Variants in PCDH11X observed in about 807,000 individuals in gnomAD.
PCDH11X encodes the protein protocadherin-11 X-linked.
PCDH11X carries 18 observed loss-of-function variants against 53.3 expected under a neutral mutation model. The observed-to-expected ratio is 0.34, with a 90% confidence interval of 0.23 to 0.50. The LOEUF is 0.50. Among genes scored for constraint, PCDH11X ranks in the 20% least tolerant of loss-of-function variants. The probability of loss-of-function intolerance (pLI) is 0.98; values close to 1 mark genes in which losing one functional copy is unlikely to be tolerated. For missense variants in PCDH11X, 570 were observed against 1,032.4 expected (o/e 0.55, Z 6.14); for synonymous variants, 279 against 393.3 (o/e 0.71, Z 3.44).
intron 8 of PCDH11X, among the ~76,000 whole-genome samples, chrX:92,283,560 T>A (rs2068294841): frequency 8.9e-6 from 1 of 111,876 alleles, no homozygotes; most frequent in African/African-American, 3.2e-5. Flanking sequence ...CAACAATGTT[T>A]AGGTTTCTAA....
At chrX:92,198,802 A>G (rs2066341502) in intron 6 of PCDH11X, among the ~76,000 whole-genome samples, 1 of 111,522 alleles carries the variant, frequency 9.0e-6, no homozygotes, top group Admixed American at 9.7e-5. Flanking sequence ...ATTTTGAGAA[A>G]TAATTCTCAC....
At chrX:91,955,904 T>C (rs1188522621) in intron 6 of PCDH11X, among the ~76,000 whole-genome samples, 3 of 109,940 alleles carry the variant, frequency 2.7e-5, no homozygotes, top group Non-Finnish European at 3.8e-5. Context: ...AAGTTTCTTT[T>C]TACATCTCTA....
intron 9 of PCDH11X, among the ~76,000 whole-genome samples, chrX:92,452,492 TA>T (rs2072814495): frequency 5.9e-5 from 3 of 50,583 alleles, no homozygotes; most frequent in African/African-American, 4.5e-4. Flanking sequence ...TATATATATA[TA>T]TATATGTTTT....
chrX:91,798,280 C>T (rs1935809423), intron 1 of PCDH11X: 1 of 110,779 alleles, frequency 9.0e-6, no homozygotes, highest in East Asian at 2.8e-4. Flanking sequence ...ACGGTGTTCC[C>T]CTCGGGGGTT....
At chrX:92,457,576 C>T (rs1417958608) in intron 9 of PCDH11X, among the ~76,000 whole-genome samples, 3 of 109,179 alleles carry the variant, frequency 2.7e-5, no homozygotes, top group Non-Finnish European at 5.7e-5. Flanking sequence ...ACCATACTTT[C>T]GTTTCAATTA....
At chrX:92,328,874 A>T (rs2069397018) in intron 8 of PCDH11X, among the ~76,000 whole-genome samples, 1 of 110,341 alleles carries the variant, frequency 9.1e-6, no homozygotes, top group Admixed American at 9.7e-5. Flanking sequence ...AATAACACCA[A>T]TTCTATACAA....
chrX:91,868,693 A>T (rs1939118495), intron 5 of PCDH11X, among the ~76,000 whole-genome samples: 2 of 111,875 alleles, frequency 1.8e-5, no homozygotes, highest in Non-Finnish European at 3.8e-5. Flanking sequence ...TTTTCCTGAT[A>T]TTAATAAGCA....
At chrX:92,559,470 C>A (rs868656072) in intron 10 of PCDH11X, among the ~76,000 whole-genome samples, 5 of 107,930 alleles carry the variant, frequency 4.6e-5, no homozygotes, top group African/African-American at 1.7e-4. Flanking sequence ...CACACACACA[C>A]CACTGTCATA....
intron 6 of PCDH11X, among the ~76,000 whole-genome samples, chrX:92,101,057 G>C (rs1029262741): frequency 9.0e-6 from 1 of 111,706 alleles, no homozygotes; most frequent in African/African-American, 3.3e-5. Context: ...AGGAGATTCA[G>C]CATAGTCCTG....
intron 10 of PCDH11X, among the ~76,000 whole-genome samples, chrX:92,527,697 G>A (rs985840163): frequency 1.8e-5 from 2 of 111,268 alleles, no homozygotes; most frequent in Non-Finnish European, 3.8e-5. Flanking sequence ...AAAGAGCAAC[G>A]CATAAAATAT....
intron 1 of PCDH11X, among the ~76,000 whole-genome samples, chrX:91,800,987 T>C (rs1935914393): frequency 9.3e-6 from 1 of 107,902 alleles, no homozygotes; most frequent in South Asian, 4.2e-4. Flanking sequence ...CAGACCAGCC[T>C]GGGCAACATG....
At chrX:92,395,879 T>A (rs1232826840) in intron 9 of PCDH11X, among the ~76,000 whole-genome samples, 1 of 109,419 alleles carries the variant, frequency 9.1e-6, no homozygotes, top group African/African-American at 3.3e-5. Context: ...TTTAGCATTA[T>A]CATCACTCAA....
At chrX:91,977,682 A>G (rs1032757218) in intron 6 of PCDH11X, among the ~76,000 whole-genome samples, 37 of 111,082 alleles carry the variant, frequency 3.3e-4, no homozygotes, top group Non-Finnish European at 3.2e-4. Context: ...TCTCCATGCC[A>G]TAATTTACAA....
At chrX:92,333,965 G>A (rs757227357) in intron 8 of PCDH11X, among the ~76,000 whole-genome samples, 473 of 110,344 alleles carry the variant, frequency 4.3e-3, no homozygotes, top group African/African-American at 0.014. Flanking sequence ...AATAGCATTC[G>A]CTTTCAGACT....
intron 10 of PCDH11X, among the ~76,000 whole-genome samples, chrX:92,604,490 A>C (rs2148811149): frequency 9.0e-6 from 1 of 111,241 alleles, no homozygotes; most frequent in African/African-American, 3.3e-5. Flanking sequence ...TATCATAAAA[A>C]GCATTAAAAT....
intron 8 of PCDH11X, among the ~76,000 whole-genome samples, chrX:92,335,933 T>C (rs1481439114): frequency 9.0e-5 from 10 of 111,676 alleles, no homozygotes; most frequent in Non-Finnish European, 1.9e-4. Flanking sequence ...GTAATTGATC[T>C]ACTTTTATGC....
intron 8 of PCDH11X, among the ~76,000 whole-genome samples, chrX:92,347,059 A>G (rs1405954936): frequency 2.7e-5 from 3 of 111,543 alleles, no homozygotes; most frequent in Admixed American, 9.6e-5. Context: ...AATCTTTTCT[A>G]TGTTTTTAGA....
At chrX:92,431,489 A>C (rs1231537202) in intron 9 of PCDH11X, among the ~76,000 whole-genome samples, 1 of 110,657 alleles carries the variant, frequency 9.0e-6, no homozygotes, top group Non-Finnish European at 1.9e-5. Context: ...GGTAAGGGGA[A>C]AAATGTAGTT....
chrX:91,898,249 T>G (rs1236303992), intron 6 of PCDH11X, among the ~76,000 whole-genome samples: 3 of 108,465 alleles, frequency 2.8e-5, no homozygotes, highest in Non-Finnish European at 5.7e-5. Context: ...GATTGAGCTC[T>G]CAGAGAGCTC....
Sources: gnomAD v4.1 joint callset for allele counts (sites outside exome capture counted in the v4.1 genomes callset) on GRCh38, gnomAD v4.1.1 for gene constraint, MANE v1.5 for transcripts, NCBI Gene and HGNC (gene_info 2026-07-23, HGNC 2026-07-21) for gene names.